NSUN3: variants seen among roughly 807,000 people sequenced by gnomAD.
NSUN3 encodes tRNA (cytosine(34)-C(5))-methyltransferase, mitochondrial.
NSUN3 carries 24 observed loss-of-function variants against 36.8 expected under a neutral mutation model. The ratio of observed to expected loss-of-function variants is 0.65; its 90% CI spans 0.47 to 0.92. NSUN3 has a LOEUF of 0.92. NSUN3 is among the 40% of genes least tolerant of loss of function. The pLI, the probability that NSUN3 is intolerant of heterozygous loss-of-function variation, is 0.00. For missense variants in NSUN3, 381 were observed against 392.8 expected, an observed-to-expected ratio of 0.97 and a Z score of 0.25; for synonymous variants, 146 against 145.2, an observed-to-expected ratio of 1.01 and a Z score of -0.04.
chr3:94,124,555 G>T (rs188571724), intron 5 of NSUN3, among the ~76,000 whole-genome samples: 3 of 151,820 alleles, frequency 2.0e-5, no homozygotes, highest in Non-Finnish European at 4.4e-5. Context: ...TTCTTTATAT[G>T]GTCCTCCCCT....
chr3:94,068,856 G>A (rs1179954092), intron 2 of NSUN3, among the ~76,000 whole-genome samples: 1 of 151,798 alleles, frequency 6.6e-6, no homozygotes, highest in East Asian at 1.9e-4. Flanking sequence ...GAAGGATGTA[G>A]ACTGAGGTGG....
Position 94,094,232 on chromosome 3 carries a change from A to C in NSUN3, c.559A>C (p.Ile187Leu). 1 of 1,613,852 alleles carries C rather than the reference A, an allele frequency of 6.2e-7. No homozygotes were observed. Residue 187 changes from isoleucine (I) to leucine (L), a missense_variant, in exon 4 of 6, where the codon ATT (isoleucine) becomes CTT (leucine). Physicochemically the swap from Ile to Leu is conservative, Grantham distance 5. Coordinates refer to ENST00000314622, the MANE Select transcript of NSUN3 (RefSeq NM_022072.5). Reference protein sequence around the residue: ...SFIPQPLINVIKVSELDGRKM... With the variant: ...SFIPQPLINVLKVSELDGRKM... ...CATCCCACAGCCTTTGATAAATGTA[A>C]TTAAAGTGTCTGAATTGGATGGCAG...
At chr3:94,075,779 G>T in intron 2 of NSUN3, 1 of 769,064 alleles carries the variant, frequency 1.3e-6, no homozygotes, top group Non-Finnish European at 1.9e-6. Context: ...TGGGCTAATA[G>T]CATTATTGGT....
At chr3:94,110,835 T>G (rs1031266308) in intron 5 of NSUN3, among the ~76,000 whole-genome samples, 3 of 152,008 alleles carry the variant, frequency 2.0e-5, no homozygotes, top group African/African-American at 7.2e-5. Context: ...TGTGTGTGTG[T>G]GTGTGTGTAT....
chr3:94,071,067 A>T (rs560601490), intron 2 of NSUN3, among the ~76,000 whole-genome samples: 8 of 152,340 alleles, frequency 5.3e-5, no homozygotes, highest in Non-Finnish European at 8.8e-5. Flanking sequence ...CATAAAAATG[A>T]TGTTGAATCC....
intron 5 of NSUN3, among the ~76,000 whole-genome samples, chr3:94,110,789 T>C (rs1251698386): frequency 2.0e-5 from 3 of 151,428 alleles, no homozygotes; most frequent in Non-Finnish European, 4.4e-5. Context: ...TACACACACA[T>C]ATATATGTAT....
Position 94,094,306 on chromosome 3 carries a change from A to C in NSUN3, c.621+12A>C. The C allele has an allele frequency of 6.2e-7, 1 of 1,607,328 alleles. No individual in the cohort carries two copies. The highest frequency in any genetic ancestry group is 8.5e-7 in the Non-Finnish European group (1 of 1,177,340). On this transcript the variant is annotated intron_variant, in intron 4 of 5. Transcript: ENST00000314622. Reference sequence around the variant, plus strand: ...AAATGTTTGACAAGGTACTTTTATTACATTGTGACAAACTGATGGACGCCC... The same window carrying C: ...AAATGTTTGACAAGGTACTTTTATTCCATTGTGACAAACTGATGGACGCCC...
chr3:94,106,356 G>C (rs1280121706), intron 5 of NSUN3, among the ~76,000 whole-genome samples: 5 of 152,128 alleles, frequency 3.3e-5, no homozygotes, highest in African/African-American at 1.2e-4. Context: ...TGGTATCTCT[G>C]AAAACGGCAA....
chr3:94,087,979 T>C (rs1256322430), intron 3 of NSUN3, among the ~76,000 whole-genome samples: 3 of 152,192 alleles, frequency 2.0e-5, no homozygotes, highest in Non-Finnish European at 4.4e-5. Flanking sequence ...GTGATAACTT[T>C]TTGATATCTG....
rs1009494413 is a variant in NSUN3, at chr3:94,127,669, C to G, written c.*1179C>G. 1 of 152,050 alleles carries G rather than the reference C, an allele frequency of 6.6e-6. No homozygotes were observed. The highest frequency in any genetic ancestry group is 1.5e-5 in the Non-Finnish European group (1 of 68,010). The allele number at this position is 152,050 out of a possible 1,614,324, so 9.4% of individuals were successfully genotyped here. ...CAGCACATCTCAAAAAATAGCATCT[C>G]TTTGGAAAATAGCCTTTAAAAAAAA... On this transcript the variant is annotated 3_prime_UTR_variant, in exon 6 of 6. Coordinates refer to ENST00000314622, the MANE Select transcript of NSUN3 (RefSeq NM_022072.5).
In NSUN3 at chr3:94,129,920, T is replaced by C. The variant is rs1427741836; in HGVS notation, c.*3430T>C. ...GGCACCCGCCACCATGCTTGGCTAA[T>C]TTTTTTTGTATTTTTAGTAAAGATG... On this transcript the variant is annotated 3_prime_UTR_variant, in exon 6 of 6. Transcript: ENST00000314622. Among the ~76,000 whole-genome samples the C allele has an allele frequency of 6.6e-6, 1 of 151,360 alleles. No individual in the cohort carries two copies. Among genetic ancestry groups the C allele is most frequent in the Non-Finnish European group, 1.5e-5 (1 of 67,836 alleles).
Position 94,084,114 on chromosome 3 carries a change from C to G in NSUN3, c.130C>G (p.Leu44Val), listed in dbSNP as rs750324548. Reference protein sequence around the residue: ...GDAWNTVREILTSPSCWQYAV... With the variant: ...GDAWNTVREIVTSPSCWQYAV... ...CTCTTTTTCTATTTCTAGGGAGATACTAACATCTCCATCATGCTGGCAATA... is the reference window on the plus strand; with the variant it reads ...CTCTTTTTCTATTTCTAGGGAGATAGTAACATCTCCATCATGCTGGCAATA... Residue 44 changes from leucine to valine, a missense_variant, in exon 3 of 6, where the codon CTA becomes GTA. Transcript: ENST00000314622. 1 of 1,605,820 alleles carries G rather than the reference C, an allele frequency of 6.2e-7. No homozygotes were observed. Among genetic ancestry groups the G allele is most frequent in the South Asian group, 1.1e-5 (1 of 90,786 alleles).
chr3:94,095,913 ATTTTTTTT>A (rs60524751), intron 5 of NSUN3, among the ~76,000 whole-genome samples: 1 of 124,530 alleles, frequency 8.0e-6, no homozygotes, highest in Non-Finnish European at 1.7e-5. Flanking sequence ...AGCCTAGCTA[ATTTTTTTT>A]TTTTTTTTTT....
At chr3:94,098,586 T>G (rs561811734) in intron 5 of NSUN3, among the ~76,000 whole-genome samples, 2 of 152,188 alleles carry the variant, frequency 1.3e-5, no homozygotes, top group East Asian at 3.8e-4. Context: ...AGTGTAATAC[T>G]CAAGTCCTCT....
At chr3:94,069,493 A>T (rs561324681) in intron 2 of NSUN3, among the ~76,000 whole-genome samples, 1 of 152,322 alleles carries the variant, frequency 6.6e-6, no homozygotes, top group African/African-American at 2.4e-5. Flanking sequence ...AGGTTCTGTA[A>T]TCTACAGGGT....
At chr3:94,115,871 A>G (rs538889248) in intron 5 of NSUN3, among the ~76,000 whole-genome samples, 1 of 152,348 alleles carries the variant, frequency 6.6e-6, no homozygotes, top group South Asian at 2.1e-4. Context: ...ATTTATAAAA[A>G]TAACATTCTG....
intron 5 of NSUN3, among the ~76,000 whole-genome samples, chr3:94,114,693 G>T (rs2077432428): frequency 6.6e-6 from 1 of 152,132 alleles, no homozygotes; most frequent in Non-Finnish European, 1.5e-5. Flanking sequence ...CGAGGTTTGG[G>T]ATACGATTGA....
intron 3 of NSUN3, among the ~76,000 whole-genome samples, chr3:94,092,458 T>G (rs1010616768): frequency 1.3e-5 from 2 of 152,132 alleles, no homozygotes; most frequent in African/African-American, 4.8e-5. Context: ...GACGAGGGCT[T>G]TTAGACACCT....
At chr3:94,117,535 C>A (rs2077445495) in intron 5 of NSUN3, among the ~76,000 whole-genome samples, 1 of 152,050 alleles carries the variant, frequency 6.6e-6, no homozygotes. Flanking sequence ...GGTTCAAACA[C>A]AAAATGCATT....
Sources: allele counts gnomAD v4.1 joint callset (sites outside exome capture counted in the v4.1 genomes callset), GRCh38; gene constraint gnomAD v4.1.1; transcripts MANE v1.5; gene names NCBI Gene and HGNC (gene_info 2026-07-23, HGNC 2026-07-21).